Variants in TOM1L2 observed in about 807,000 individuals in gnomAD.
The protein encoded by TOM1L2 is target of myb1 like 2 membrane trafficking protein.
TOM1L2 carries 31 observed loss-of-function variants against 67.9 expected under a neutral mutation model. That is an observed-to-expected ratio of 0.46 (90% CI 0.34 to 0.62). The LOEUF is 0.62. TOM1L2 is among the 20% of genes least tolerant of loss of function. The pLI is 0.01. For synonymous variants in TOM1L2, 256 were observed against 254.0 expected (o/e 1.01, Z -0.07); for missense variants, 606 against 663.5 (o/e 0.91, Z 0.95).
intron 6 of TOM1L2, among the ~76,000 whole-genome samples, chr17:17,882,319 T>C (rs1420824744): frequency 6.6e-6 from 1 of 152,228 alleles, no homozygotes; most frequent in Admixed American, 6.5e-5. Context: ...CATATGCGCC[T>C]GCTCTCCAAT....
intron 1 of TOM1L2, among the ~76,000 whole-genome samples, chr17:17,936,085 C>T (rs1461760428): frequency 6.6e-6 from 1 of 152,226 alleles, no homozygotes; most frequent in Admixed American, 6.5e-5. Flanking sequence ...TACATTCTGT[C>T]ACTTGGCCTC....
At chr17:17,867,017 A>C in intron 8 of TOM1L2, 93 bp from the exon 9 acceptor site, 1 of 1,233,542 alleles carries the variant, frequency 8.1e-7, no homozygotes. Flanking sequence ...AATCCCTGGG[A>C]CCAAGACCAG....
At chr17:17,884,883 A>G in intron 4 of TOM1L2, 115 bp from the exon 5 acceptor site, 1 of 1,368,428 alleles carries the variant, frequency 7.3e-7, no homozygotes, top group Non-Finnish European at 1.0e-6. Flanking sequence ...TTGCACATGC[A>G]AATTGCACTG....
intron 1 of TOM1L2, among the ~76,000 whole-genome samples, chr17:17,963,740 G>T: frequency 6.6e-6 from 1 of 152,268 alleles, no homozygotes; most frequent in South Asian, 2.1e-4. Flanking sequence ...AAGGTCACAA[G>T]GAAACAGAAA....
At chr17:17,967,374 G>A (rs2041910433) in intron 1 of TOM1L2, among the ~76,000 whole-genome samples, 1 of 152,284 alleles carries the variant, frequency 6.6e-6, no homozygotes, top group Admixed American at 6.5e-5. Flanking sequence ...AGGATTTTCT[G>A]AAAACTTTTT....
At chr17:17,908,557 A>G (rs983812644) in intron 1 of TOM1L2, among the ~76,000 whole-genome samples, 8 of 152,232 alleles carry the variant, frequency 5.3e-5, no homozygotes, top group African/African-American at 1.9e-4. Context: ...GTTAATATCC[A>G]GACTACGTAA....
At chr17:17,926,828 T>C (rs1186600693) in intron 1 of TOM1L2, among the ~76,000 whole-genome samples, 1 of 151,904 alleles carries the variant, frequency 6.6e-6, no homozygotes, top group Non-Finnish European at 1.5e-5. Flanking sequence ...ACTGCACTCC[T>C]GTCTGGGCGA....
intron 1 of TOM1L2, among the ~76,000 whole-genome samples, chr17:17,912,592 G>A (rs1245589954): frequency 6.6e-6 from 1 of 151,748 alleles, no homozygotes; most frequent in Non-Finnish European, 1.5e-5. Context: ...ACGATGGGCG[G>A]CCGGGCAGAG....
At chr17:17,940,240 A>G (rs2040679171) in intron 1 of TOM1L2, among the ~76,000 whole-genome samples, 1 of 150,624 alleles carries the variant, frequency 6.6e-6, no homozygotes, top group Non-Finnish European at 1.5e-5. Flanking sequence ...TCTGCTGCAT[A>G]GGGTTGTTAC....
intron 3 of TOM1L2, among the ~76,000 whole-genome samples, chr17:17,895,177 A>C (rs373559844): frequency 6.6e-6 from 1 of 151,980 alleles, no homozygotes; most frequent in East Asian, 1.9e-4. Flanking sequence ...AGTGCTCTGA[A>C]CTTCCCAGCA....
intron 1 of TOM1L2, among the ~76,000 whole-genome samples, chr17:17,916,096 T>C (rs2144552619): frequency 6.7e-6 from 1 of 149,726 alleles, no homozygotes; most frequent in South Asian, 2.1e-4. Context: ...TTTTTTGAGA[T>C]GGAGTCTTGC....
Position 17,843,579 on chromosome 17 carries a change from G to C in TOM1L2, c.*4056C>G, listed in dbSNP as rs1436483914. The C allele has an allele frequency of 2.0e-5, 3 of 152,372 alleles. No individual in the cohort carries two copies. In the East Asian group the frequency reaches 5.8e-4, roughly 29 times the overall value. The allele number at this position is 152,372 out of a possible 1,614,324, so 9.4% of individuals were successfully genotyped here. On this transcript the variant is annotated 3_prime_UTR_variant, in exon 15 of 15. Coordinates refer to ENST00000379504, the MANE Select transcript of TOM1L2 (RefSeq NM_001082968.2). Reference sequence around the variant, plus strand: ...AACCCAATTAGAGAGAGGGTATCTGGAAGGAGGGCCAGTGGGGTGGATGGA... The same window carrying C: ...AACCCAATTAGAGAGAGGGTATCTGCAAGGAGGGCCAGTGGGGTGGATGGA...
chr17:17,861,943 A>G, intron 11 of TOM1L2: 1 of 168,528 alleles, frequency 5.9e-6, no homozygotes, highest in Admixed American at 6.2e-5. Flanking sequence ...CCTCAGTGGC[A>G]TTTGACAGGG....
intron 1 of TOM1L2, among the ~76,000 whole-genome samples, chr17:17,946,939 G>A (rs1305859696): frequency 6.6e-6 from 1 of 152,182 alleles, no homozygotes; most frequent in Non-Finnish European, 1.5e-5. Flanking sequence ...TGGCCAGGCT[G>A]GTCTCGAGCT....
chr17:17,864,487 GGCGTTA>G (rs1334807292), intron 10 of TOM1L2, among the ~76,000 whole-genome samples: 11 of 151,846 alleles, frequency 7.2e-5, no homozygotes, highest in Non-Finnish European at 1.6e-4. Context: ...TGGGATTACA[GGCGTTA>G]GCCACCGCAC....
chr17:17,939,639 G>A (rs1457404285), intron 1 of TOM1L2, among the ~76,000 whole-genome samples: 1 of 152,156 alleles, frequency 6.6e-6, no homozygotes, highest in Non-Finnish European at 1.5e-5. Context: ...TAAAGGGTTT[G>A]TAGAAGTTCA....
intron 3 of TOM1L2, among the ~76,000 whole-genome samples, chr17:17,895,105 G>A (rs2038498878): frequency 6.6e-6 from 1 of 152,120 alleles, no homozygotes; most frequent in Non-Finnish European, 1.5e-5. Flanking sequence ...CGAAGGGGAT[G>A]GCCTCTTATC....
At chr17:17,855,506 G>A (rs931763732) in intron 12 of TOM1L2, among the ~76,000 whole-genome samples, 3 of 152,234 alleles carry the variant, frequency 2.0e-5, no homozygotes, top group African/African-American at 4.8e-5. Flanking sequence ...AGAGAGGCCA[G>A]GGAGGGAGAG....
chr17:17,886,732 T>C (rs986892825), intron 4 of TOM1L2, among the ~76,000 whole-genome samples: 1 of 152,306 alleles, frequency 6.6e-6, no homozygotes, highest in East Asian at 1.9e-4. Context: ...TTTGAGATAA[T>C]AGGAATAAAG....
Sources: allele counts gnomAD v4.1 joint callset (sites outside exome capture counted in the v4.1 genomes callset), GRCh38; gene constraint gnomAD v4.1.1; transcripts MANE v1.5; gene names NCBI Gene and HGNC (gene_info 2026-07-23, HGNC 2026-07-21).